The following FABP12 variants were observed in gnomAD, a reference collection of about 807,000 sequenced individuals.
FABP12 encodes fatty acid-binding protein 12.
In FABP12, 19 loss-of-function variants were observed where a neutral mutation model predicts 13.7. That is an observed-to-expected ratio of 1.39 (90% confidence interval 0.97 to 2.04). FABP12 has a LOEUF of 2.04. Ranked by LOEUF, FABP12 falls within the 30% of genes most tolerant of loss-of-function variation. The probability of loss-of-function intolerance (pLI) is 0.00; values close to 1 mark genes in which losing one functional copy is unlikely to be tolerated. For synonymous variants in FABP12, 61 were observed against 57.0 expected (o/e 1.07, Z -0.32); for missense variants, 182 against 164.2 (o/e 1.11, Z -0.59).
intron 1 of FABP12, among the ~76,000 whole-genome samples, chr8:81,541,551 C>T (rs1439200684): frequency 6.6e-6 from 1 of 152,146 alleles, no homozygotes; most frequent in South Asian, 2.1e-4. Context: ...CATGGTAACA[C>T]CCCTGATGAG....
intron 1 of FABP12, among the ~76,000 whole-genome samples, chr8:81,561,230 A>G (rs751601811): frequency 1.3e-5 from 2 of 152,228 alleles, no homozygotes; most frequent in Admixed American, 6.5e-5. Context: ...TTCTGAAAGA[A>G]TAAAATGATA....
chr8:81,544,792 A>G (rs1181031082), intron 1 of FABP12, among the ~76,000 whole-genome samples: 1 of 152,210 alleles, frequency 6.6e-6, no homozygotes. Context: ...AGAAGTATGT[A>G]ATCAAAATAA....
intron 1 of FABP12, among the ~76,000 whole-genome samples, chr8:81,547,944 A>C (rs1809462259): frequency 6.6e-6 from 1 of 152,262 alleles, no homozygotes; most frequent in Non-Finnish European, 1.5e-5. Flanking sequence ...TACAGAATTC[A>C]TACAGAAAAG....
Position 81,547,582 on chromosome 8 carries a change from CTCT to C in FABP12, c.-184-7842_-184-7840del, listed in dbSNP as rs1373564807. Among the ~76,000 whole-genome samples, 9 of 152,350 alleles carry C rather than the reference CTCT, an allele frequency of 5.9e-5. No individual in the cohort carries two copies. The South Asian group carries it at 1.9e-3, about 32-fold the overall frequency. On this transcript the variant is annotated intron_variant, in intron 1 of 5. Coordinates refer to the FABP12 transcript ENST00000692030. ...CTGTGATTAATATTTACCGTCTTAT[CTCT>C]TCCCTGGAGTGGGACAGTGGAATCC...
chr8:81,552,800 A>G (rs1809542785), intron 1 of FABP12, among the ~76,000 whole-genome samples: 1 of 152,156 alleles, frequency 6.6e-6, no homozygotes, highest in African/African-American at 2.4e-5. Flanking sequence ...GGTAACTTAG[A>G]AGAATGGATT....
At chr8:81,567,462 C>A (rs1253704834) in intron 1 of FABP12, among the ~76,000 whole-genome samples, 3 of 152,160 alleles carry the variant, frequency 2.0e-5, no homozygotes, top group Non-Finnish European at 2.9e-5. Context: ...AAGACAGACA[C>A]ATAGACCAGT....
intron 1 of FABP12, among the ~76,000 whole-genome samples, chr8:81,561,725 G>A (rs1250275265): frequency 3.3e-5 from 5 of 152,142 alleles, no homozygotes; most frequent in Non-Finnish European, 5.9e-5. Context: ...GAACTCAGCC[G>A]GTGCCCACAG....
chr8:81,589,186 A>G (rs1438948161), intron 1 of FABP12, among the ~76,000 whole-genome samples: 5 of 152,220 alleles, frequency 3.3e-5, no homozygotes, highest in Admixed American at 2.6e-4. Flanking sequence ...GGATCTTGCC[A>G]ATGCTGGAGT....
At chr8:81,548,812 A>T (rs1207701577) in intron 1 of FABP12, among the ~76,000 whole-genome samples, 1 of 152,158 alleles carries the variant, frequency 6.6e-6, no homozygotes, top group Non-Finnish European at 1.5e-5. Context: ...GGGGCTGATA[A>T]TGTTAAGGAA....
intron 1 of FABP12, among the ~76,000 whole-genome samples, chr8:81,565,587 G>GA (rs1334072718): frequency 6.6e-6 from 1 of 151,738 alleles, no homozygotes; most frequent in Non-Finnish European, 1.5e-5. Context: ...GTGGGTCAAT[G>GA]AAAAAATTAA....
chr8:81,531,468 A>C (rs1809073448), intron 1 of FABP12, 78 bp from the exon 2 acceptor site: 1 of 577,290 alleles, frequency 1.7e-6, no homozygotes, highest in South Asian at 2.4e-5. Flanking sequence ...TAATCCTTGC[A>C]ATGTTCCTTG....
intron 1 of FABP12, among the ~76,000 whole-genome samples, chr8:81,579,434 G>C (rs1563558773): frequency 1.3e-5 from 2 of 152,074 alleles, no homozygotes; most frequent in South Asian, 4.1e-4. Flanking sequence ...AAAATATGTA[G>C]GTGCTTTGGA....
At chr8:81,557,972 T>C (rs1436382129) in intron 1 of FABP12, among the ~76,000 whole-genome samples, 1 of 152,158 alleles carries the variant, frequency 6.6e-6, no homozygotes, top group African/African-American at 2.4e-5. Context: ...GCCCAGGCCC[T>C]AGGTCAGCAT....
chr8:81,531,103 C>T, intron 2 of FABP12, 140 bp downstream of exon 2: 1 of 657,932 alleles, frequency 1.5e-6, no homozygotes, highest in African/African-American at 1.8e-5. Flanking sequence ...GAACTATATC[C>T]TGGTACTCAA....
chr8:81,558,682 G>A (rs1809664382), intron 1 of FABP12, among the ~76,000 whole-genome samples: 1 of 152,086 alleles, frequency 6.6e-6, no homozygotes, highest in South Asian at 2.1e-4. Flanking sequence ...GTGAGGTCAG[G>A]AGTTCGAGAC....
chr8:81,553,338 C>T (rs1809552772), intron 1 of FABP12, among the ~76,000 whole-genome samples: 1 of 152,138 alleles, frequency 6.6e-6, no homozygotes, highest in African/African-American at 2.4e-5. Flanking sequence ...GTGATCACTT[C>T]TTCATTTGCT....
chr8:81,583,572 C>T (rs1810199178), intron 1 of FABP12, among the ~76,000 whole-genome samples: 1 of 151,974 alleles, frequency 6.6e-6, no homozygotes, highest in South Asian at 2.1e-4. Context: ...TGACTACACA[C>T]TAAAAAACTG....
chr8:81,545,420 C>T (rs758924600), intron 1 of FABP12, among the ~76,000 whole-genome samples: 2 of 152,062 alleles, frequency 1.3e-5, no homozygotes, highest in Admixed American at 6.5e-5. Context: ...GTTTGAGAGA[C>T]TAATCAGTTT....
At chr8:81,558,250 G>A (rs1025462555) in intron 1 of FABP12, among the ~76,000 whole-genome samples, 1 of 152,218 alleles carries the variant, frequency 6.6e-6, no homozygotes, top group Non-Finnish European at 1.5e-5. Flanking sequence ...CACATACTGA[G>A]GCTGGAATGA....
Sources: allele counts gnomAD v4.1 joint callset (sites outside exome capture counted in the v4.1 genomes callset), GRCh38; gene constraint gnomAD v4.1.1; transcripts MANE v1.5; gene names NCBI Gene and HGNC (gene_info 2026-07-23, HGNC 2026-07-21).